Variants in ABI1 observed in about 807,000 individuals in gnomAD.
ABI1 encodes the protein Abelson interactor 1.
A neutral mutation model predicts 54.6 loss-of-function variants in ABI1; 14 were observed. The observed-to-expected ratio is 0.26, with a 90% CI of 0.17 to 0.40. The LOEUF is 0.40. ABI1 is among the 10% of genes least tolerant of loss of function. The pLI, the probability that ABI1 is intolerant of heterozygous loss-of-function variation, is 1.00. For missense variants in ABI1, 443 were observed against 598.3 expected, an observed-to-expected ratio of 0.74 and a Z score of 2.71; for synonymous variants, 194 against 209.3, an observed-to-expected ratio of 0.93 and a Z score of 0.63.
chr10:26,828,280 A>G (rs528666020), intron 1 of ABI1, among the ~76,000 whole-genome samples: 2 of 152,370 alleles, frequency 1.3e-5, no homozygotes, highest in South Asian at 4.1e-4. Flanking sequence ...GTGGTGCCCC[A>G]AAACGATTAC....
chr10:26,760,462 AG>A (rs2132549243), intron 7 of ABI1, among the ~76,000 whole-genome samples: 1 of 152,358 alleles, frequency 6.6e-6, no homozygotes, highest in South Asian at 2.1e-4. Flanking sequence ...CCCAAGTCAT[AG>A]GCAGTCACCA....
At chr10:26,751,941 T>A (rs529754521) in intron 9 of ABI1, among the ~76,000 whole-genome samples, 158 bp from the exon 10 acceptor site, 8 of 152,322 alleles carry the variant, frequency 5.3e-5, no homozygotes, top group Admixed American at 1.3e-4. Flanking sequence ...AAGTTTATGC[T>A]ACTCAAGAAT....
At chr10:26,811,828 T>C in intron 2 of ABI1, among the ~76,000 whole-genome samples, 1 of 144,670 alleles carries the variant, frequency 6.9e-6, no homozygotes, top group Non-Finnish European at 1.5e-5. Context: ...TATAAATTTG[T>C]ATAAATTTAT....
chr10:26,749,847 G>T (rs1837390241), intron 10 of ABI1, among the ~76,000 whole-genome samples: 1 of 152,170 alleles, frequency 6.6e-6, no homozygotes, highest in African/African-American at 2.4e-5. Context: ...TACAATAGCA[G>T]GACTGAGTAG....
chr10:26,833,112 T>G (rs1178292363), intron 1 of ABI1, among the ~76,000 whole-genome samples: 1 of 152,140 alleles, frequency 6.6e-6, no homozygotes, highest in Non-Finnish European at 1.5e-5. Flanking sequence ...CTTAAGCAAC[T>G]ACTAAGAGGT....
At chr10:26,847,705 A>T (rs1346995075) in intron 1 of ABI1, among the ~76,000 whole-genome samples, 1 of 152,192 alleles carries the variant, frequency 6.6e-6, no homozygotes, top group African/African-American at 2.4e-5. Context: ...CAAACCTTTT[A>T]AAAGAGATAT....
rs1203318996 is a variant in ABI1 at position 26,765,595 on chromosome 10, T to G, written c.720-277A>C. Among the ~76,000 whole-genome samples, 9 of 150,722 alleles carry G rather than the reference T, an allele frequency of 6.0e-5. No individual in the cohort carries two copies. The East Asian group carries it at 1.6e-3, about 26-fold the overall frequency. ...ACTGTATTTTCAACCCGAGACTGCC[T>G]TACTCTGGGGATGCAGAACCTGAGG... On this transcript the variant is annotated intron_variant, in intron 6 of 10. Transcript: ENST00000376140.
intron 2 of ABI1, chr10:26,790,605 G>C (rs1467149106): frequency 6.6e-6 from 1 of 151,938 alleles, no homozygotes; most frequent in Admixed American, 6.6e-5. Context: ...AATCCTCTCT[G>C]TATTGTTCCA....
intron 2 of ABI1, among the ~76,000 whole-genome samples, chr10:26,801,274 A>G (rs2046537194): frequency 6.6e-6 from 1 of 152,118 alleles, no homozygotes; most frequent in African/African-American, 2.4e-5. Context: ...GTGGCCGGGC[A>G]CGGTGGCTCA....
intron 6 of ABI1, among the ~76,000 whole-genome samples, chr10:26,768,071 T>C (rs1840180583): frequency 6.6e-6 from 1 of 151,658 alleles, no homozygotes; most frequent in Admixed American, 6.6e-5. Flanking sequence ...AATATTATTA[T>C]TATAACAACA....
intron 7 of ABI1, among the ~76,000 whole-genome samples, chr10:26,764,120 C>T (rs960506321): frequency 5.3e-5 from 8 of 152,024 alleles, no homozygotes; most frequent in East Asian, 1.9e-4. Flanking sequence ...AAGAGGCTAC[C>T]GAGTTTATAC....
intron 6 of ABI1, among the ~76,000 whole-genome samples, chr10:26,765,965 A>C (rs886792919): frequency 6.6e-6 from 1 of 152,220 alleles, no homozygotes; most frequent in Non-Finnish European, 1.5e-5. Context: ...TGAACAATGC[A>C]GTCATGAACT....
intron 1 of ABI1, among the ~76,000 whole-genome samples, chr10:26,831,838 T>G (rs1225664698): frequency 6.6e-6 from 1 of 152,248 alleles, no homozygotes; most frequent in African/African-American, 2.4e-5. Context: ...TGCTGTGAAC[T>G]TCCCCTTACA....
In ABI1 at chr10:26,759,114, T is replaced by C. The variant is rs146226867; in HGVS notation, c.945A>G (p.Gln315=). 228 of 1,614,026 alleles carry C rather than the reference T, an allele frequency of 1.4e-4. No homozygotes were observed. The African/African-American group carries it at 2.8e-3, about 20-fold the overall frequency. ...CATTAACATGAGGCTGAGCAGAAAA[T>C]TGAGCAGTCACAGAGGGAGTTCGTC... The part of the protein sequence containing the change: ...GYRRTPSVTA[Q]FSAQPHVNGG... The change falls in exon 8 of 11, where the codon CAA becomes CAG. Residue 315 remains glutamine (Q), a synonymous_variant. Transcript: ENST00000376140.
intron 2 of ABI1, among the ~76,000 whole-genome samples, chr10:26,818,021 T>C (rs1317662605): frequency 6.6e-6 from 1 of 150,916 alleles, no homozygotes; most frequent in Admixed American, 6.6e-5. Flanking sequence ...TAGCTGAGCA[T>C]GGTGGCGCAT....
At position 26,759,117 on chromosome 10, in the gene ABI1, A is replaced by G. The variant is rs1292960976; in HGVS notation, c.942T>C (p.Ala314=). The G allele has an allele frequency of 6.2e-7, 1 of 1,614,134 alleles. No individual in the cohort carries two copies. Among genetic ancestry groups the G allele is most frequent in the Admixed American group, 1.7e-5 (1 of 60,018 alleles). The change falls in exon 8 of 11, where the codon GCT becomes GCC. Residue 314 remains alanine (A), a synonymous_variant. Transcript: ENST00000376140. The part of the protein sequence containing the change: ...GGYRRTPSVT[A]QFSAQPHVNG... ...TAACATGAGGCTGAGCAGAAAATTG[A>G]GCAGTCACAGAGGGAGTTCGTCTGT...
chr10:26,810,983 T>C (rs1480756510), intron 2 of ABI1, among the ~76,000 whole-genome samples: 1 of 152,094 alleles, frequency 6.6e-6, no homozygotes, highest in Non-Finnish European at 1.5e-5. Flanking sequence ...GAAGAAAACC[T>C]AATGCTATCA....
intron 1 of ABI1, among the ~76,000 whole-genome samples, chr10:26,843,000 A>C (rs547356644): frequency 6.6e-6 from 1 of 152,172 alleles, no homozygotes; most frequent in Non-Finnish European, 1.5e-5. Context: ...ACCAAGATCT[A>C]GCCACTGCAC....
chr10:26,768,539 A>C (rs917255100), intron 6 of ABI1, among the ~76,000 whole-genome samples: 1 of 146,892 alleles, frequency 6.8e-6, no homozygotes, highest in South Asian at 2.2e-4. Flanking sequence ...ACTCCGTCAC[A>C]AAAAAAAAAA....
Sources: gnomAD v4.1 joint callset for allele counts (sites outside exome capture counted in the v4.1 genomes callset) on GRCh38, gnomAD v4.1.1 for gene constraint, MANE v1.5 for transcripts, NCBI Gene and HGNC (gene_info 2026-07-23, HGNC 2026-07-21) for gene names.